Variants in TLL2 observed in about 807,000 individuals in gnomAD.
TLL2 encodes tolloid-like protein 2.
A neutral mutation model predicts 123.0 loss-of-function variants in TLL2; 106 were observed. The ratio of observed to expected loss-of-function variants is 0.86; its 90% CI spans 0.74 to 1.01. TLL2 has a LOEUF of 1.01. Ranked by LOEUF, TLL2 falls within the 50% of genes least tolerant of loss-of-function variation. The pLI is 0.00. For synonymous variants in TLL2, 494 were observed against 516.8 expected (o/e 0.96, Z 0.60); for missense variants, 1,332 against 1,336.7 (o/e 1.00, Z 0.06).
In TLL2 at chr10:96,384,891, A is replaced by G; in HGVS notation, c.2014-124T>C. 12 of 919,366 alleles carry G rather than the reference A, an allele frequency of 1.3e-5. No homozygotes were observed. In the South Asian group the frequency reaches 2.8e-4, roughly 22 times the overall value. 57.0% of individuals were successfully genotyped at this position (919,366 alleles called of 1,614,324 possible). Reference sequence around the variant, plus strand: ...GTGTGTGGCGGGGGAGGGTCCCTTGACTCTTGCTACGCCGGTTATTTGAAT... The same window carrying G: ...GTGTGTGGCGGGGGAGGGTCCCTTGGCTCTTGCTACGCCGGTTATTTGAAT... On this transcript the variant is annotated intron_variant, in intron 15 of 20. Transcript: ENST00000357947.
At chr10:96,479,057 T>C (rs1183144782) in intron 2 of TLL2, among the ~76,000 whole-genome samples, 2 of 152,214 alleles carry the variant, frequency 1.3e-5, no homozygotes, top group Non-Finnish European at 2.9e-5. Context: ...GATGGAGTGG[T>C]AGAATTATGC....
chr10:96,487,235 T>C (rs1465533238), intron 1 of TLL2, among the ~76,000 whole-genome samples: 3 of 152,174 alleles, frequency 2.0e-5, no homozygotes, highest in South Asian at 2.1e-4. Flanking sequence ...AAGCAGCCAG[T>C]GCCAGGCCTG....
intron 2 of TLL2, among the ~76,000 whole-genome samples, chr10:96,466,408 C>T (rs1847132169): frequency 6.6e-6 from 1 of 152,226 alleles, no homozygotes. Context: ...TTGGTATAAA[C>T]AGCTCCGGCA....
chr10:96,447,491 T>C (rs991261980), intron 2 of TLL2, among the ~76,000 whole-genome samples: 4 of 152,150 alleles, frequency 2.6e-5, no homozygotes, highest in African/African-American at 9.7e-5. Flanking sequence ...TGCTGGGACC[T>C]GTCGTGTTAG....
chr10:96,472,445 C>T (rs1164081138), intron 2 of TLL2, among the ~76,000 whole-genome samples: 1 of 152,142 alleles, frequency 6.6e-6, no homozygotes, highest in Non-Finnish European at 1.5e-5. Flanking sequence ...AAATCACAGC[C>T]CCATCTATAA....
Position 96,428,679 on chromosome 10 carries a change from T to C in TLL2, c.590A>G (p.Glu197Gly), listed in dbSNP as rs1370040050. Residue 197 changes from glutamate to glycine, a missense_variant, in exon 5 of 21, where the codon GAA (glutamate) becomes GGA (glycine). Coordinates refer to ENST00000357947, the MANE Select transcript of TLL2 (RefSeq NM_012465.4). ...WEKHTCVTFI[E>G]RTDEESFIVF... Reference sequence around the variant, plus strand: ...AATAAAGCTTTCCTCATCCGTCCTTTCTATGAAGGTCACACAGGTGTGCTT... The same window carrying C: ...AATAAAGCTTTCCTCATCCGTCCTTCCTATGAAGGTCACACAGGTGTGCTT... 4.3e-6 allele frequency: 7 copies of C among 1,614,128 alleles called. No homozygotes were observed. Among genetic ancestry groups the C allele is most frequent in the Non-Finnish European group, 5.9e-6 (7 of 1,179,974 alleles).
intron 1 of TLL2, among the ~76,000 whole-genome samples, chr10:96,498,343 T>C (rs995752356): frequency 1.3e-5 from 2 of 152,312 alleles, no homozygotes; most frequent in South Asian, 4.1e-4. Flanking sequence ...ACGGGAAATA[T>C]TAAAAGCTTA....
chr10:96,442,567 G>A (rs1403102893), intron 3 of TLL2, among the ~76,000 whole-genome samples: 1 of 152,210 alleles, frequency 6.6e-6, no homozygotes, highest in African/African-American at 2.4e-5. Flanking sequence ...GTAATGCAGA[G>A]TGAAGGGACT....
At chr10:96,468,202 C>G (rs888475259) in intron 2 of TLL2, among the ~76,000 whole-genome samples, 3 of 152,226 alleles carry the variant, frequency 2.0e-5, no homozygotes, top group Admixed American at 2.0e-4. Context: ...TCCTCCCTCC[C>G]CAGCACGCCT....
chr10:96,500,818 G>C (rs12775736), intron 1 of TLL2, among the ~76,000 whole-genome samples: 4 of 133,324 alleles, frequency 3.0e-5, no homozygotes, highest in Non-Finnish European at 4.9e-5. Context: ...GGGAGGGAGG[G>C]AGGGGAGAGA....
chr10:96,513,171 G>A (rs1014426771), intron 1 of TLL2, among the ~76,000 whole-genome samples: 6 of 152,150 alleles, frequency 3.9e-5, no homozygotes, highest in Non-Finnish European at 7.4e-5. Flanking sequence ...CCGGCCCGGA[G>A]CGTCTGGCGG....
intron 20 of TLL2, 115 bp downstream of exon 20, chr10:96,369,950 C>G: frequency 7.1e-7 from 1 of 1,407,938 alleles, no homozygotes; most frequent in Non-Finnish European, 9.4e-7. Context: ...TGCCTCCTCG[C>G]CGTTGCTCCT....
intron 7 of TLL2, among the ~76,000 whole-genome samples, chr10:96,415,561 T>C (rs1846547106): frequency 6.6e-6 from 1 of 151,520 alleles, no homozygotes; most frequent in African/African-American, 2.4e-5. Context: ...TCTCTGTCCT[T>C]AGAAACTACA....
intron 1 of TLL2, among the ~76,000 whole-genome samples, chr10:96,499,128 G>A (rs1418910293): frequency 6.6e-6 from 1 of 152,186 alleles, no homozygotes; most frequent in African/African-American, 2.4e-5. Context: ...AATAGAAGAG[G>A]GGATTGCTCT....
At chr10:96,501,761 C>A (rs1223630942) in intron 1 of TLL2, among the ~76,000 whole-genome samples, 2 of 152,262 alleles carry the variant, frequency 1.3e-5, no homozygotes, top group Non-Finnish European at 2.9e-5. Context: ...AGCTTACCAA[C>A]TCCCTCACCA....
At chr10:96,432,700 TC>T in intron 4 of TLL2, 106 bp downstream of exon 4, 6 of 1,416,284 alleles carry the variant, frequency 4.2e-6, no homozygotes, top group Non-Finnish European at 4.8e-6. Flanking sequence ...CCTGCTGTGG[TC>T]CCTAACATCT....
intron 18 of TLL2, among the ~76,000 whole-genome samples, chr10:96,374,798 C>G (rs770011301): frequency 6.6e-6 from 1 of 152,184 alleles, no homozygotes; most frequent in Admixed American, 6.5e-5. Context: ...GGGCGCCGCA[C>G]CATTCCAGGC....
At chr10:96,470,464 T>A (rs748512053) in intron 2 of TLL2, among the ~76,000 whole-genome samples, 2 of 152,244 alleles carry the variant, frequency 1.3e-5, no homozygotes, top group Non-Finnish European at 2.9e-5. Context: ...GTTGACAGAC[T>A]GGTTGATGGG....
intron 1 of TLL2, among the ~76,000 whole-genome samples, chr10:96,507,363 C>T (rs1847588546): frequency 6.6e-6 from 1 of 152,126 alleles, no homozygotes; most frequent in South Asian, 2.1e-4. Flanking sequence ...TGAGATATAA[C>T]TCACATGCCA....
Sources: allele counts gnomAD v4.1 joint callset (sites outside exome capture counted in the v4.1 genomes callset), GRCh38; gene constraint gnomAD v4.1.1; transcripts MANE v1.5; gene names NCBI Gene and HGNC (gene_info 2026-07-23, HGNC 2026-07-21).